CFAP91: variants seen among roughly 807,000 people sequenced by gnomAD.
CFAP91 encodes cilia- and flagella-associated protein 91.
A neutral mutation model predicts 95.9 loss-of-function variants in CFAP91; 85 were observed. The observed-to-expected ratio is 0.89, with a 90% CI of 0.74 to 1.06. CFAP91 has a LOEUF of 1.06. CFAP91 is among the 50% of genes least tolerant of loss of function. The pLI, the probability that CFAP91 is intolerant of heterozygous loss-of-function variation, is 0.00. For synonymous variants in CFAP91, 335 were observed against 327.5 expected (o/e 1.02, Z -0.25); for missense variants, 962 against 943.4 (o/e 1.02, Z -0.26).
intron 13 of CFAP91, among the ~76,000 whole-genome samples, chr3:119,743,377 C>G (rs893825225): frequency 3.3e-5 from 5 of 152,172 alleles, no homozygotes; most frequent in Admixed American, 2.0e-4. Flanking sequence ...CTCAGCCTCC[C>G]AAAGTGCTGG....
rs371932830 is a variant in CFAP91 at position 119,743,931 on chromosome 3, C to T, written c.1681-44C>T. 1.5e-5 allele frequency: 23 copies of T among 1,499,682 alleles called. No homozygotes were observed. In the South Asian group the frequency reaches 2.4e-4, roughly 16 times the overall value. 92.9% of individuals were successfully genotyped at this position (1,499,682 alleles called of 1,614,324 possible). A position where few individuals can be genotyped will look rare whatever the true frequency, so the allele number is the denominator to read the frequency against. On this transcript the variant is annotated intron_variant, in intron 13 of 17. Coordinates refer to ENST00000273390, the MANE Select transcript of CFAP91 (RefSeq NM_033364.4). ...AGCACTTCTTCTAATAATCACCACT[C>T]ATAATGGAATTTGTGTCCTTAAAGT...
intron 6 of CFAP91, among the ~76,000 whole-genome samples, chr3:119,725,408 C>T (rs1352912890): frequency 6.6e-6 from 1 of 152,168 alleles, no homozygotes; most frequent in Non-Finnish European, 1.5e-5. Context: ...GGGGACAAAA[C>T]CCAAAGATGG....
intron 13 of CFAP91, among the ~76,000 whole-genome samples, chr3:119,742,485 C>T (rs2054140658): frequency 6.6e-6 from 1 of 152,208 alleles, no homozygotes; most frequent in South Asian, 2.1e-4. Context: ...CCTGTGCCTA[C>T]CCAGATTTCT....
At chr3:119,760,809 A>T (rs904281297) in intron 17 of CFAP91, among the ~76,000 whole-genome samples, 34 of 146,050 alleles carry the variant, frequency 2.3e-4, no homozygotes, top group Admixed American at 4.7e-4. Flanking sequence ...AAGGGAAATT[A>T]AAAAAAAAAC....
chr3:119,744,285 T>G (rs1167215595), intron 14 of CFAP91, 89 bp downstream of exon 14: 1 of 1,051,432 alleles, frequency 9.5e-7, no homozygotes, highest in East Asian at 2.6e-5. Context: ...GGCATTTGGC[T>G]TTTGTTTATG....
chr3:119,750,823 G>T, intron 16 of CFAP91, 114 bp from the exon 17 acceptor site: 2 of 1,135,944 alleles, frequency 1.8e-6, no homozygotes, highest in Admixed American at 4.0e-5. Context: ...TTAGATTTGG[G>T]TTGGGTTTTA....
rs569777812 is a variant in CFAP91 at position 119,722,350 on chromosome 3, T to A, written c.683-3821T>A. ...GGCATATGCCTGTAGTCCCAGCTAC[T>A]CGGGAGGCTGAGGCAGGAGAATCAC... On this transcript the variant is annotated intron_variant, in intron 6 of 17. Coordinates refer to ENST00000273390, the MANE Select transcript of CFAP91 (RefSeq NM_033364.4). Among the ~76,000 whole-genome samples, 18 of 152,100 alleles carry A rather than the reference T, an allele frequency of 1.2e-4. No individual in the cohort carries two copies. The East Asian group carries it at 2.7e-3, about 23-fold the overall frequency.
chr3:119,739,689 A>C (rs1243981055), intron 12 of CFAP91, among the ~76,000 whole-genome samples: 1 of 152,258 alleles, frequency 6.6e-6, no homozygotes, highest in African/African-American at 2.4e-5. Context: ...AATTTTCCAC[A>C]GTCATAATAC....
intron 6 of CFAP91, among the ~76,000 whole-genome samples, chr3:119,718,600 T>G (rs1444229281): frequency 6.6e-6 from 1 of 151,380 alleles, no homozygotes; most frequent in Non-Finnish European, 1.5e-5. Flanking sequence ...AACTCACACC[T>G]CCTAATAAAA....
At position 119,740,725 on chromosome 3, in the gene CFAP91, T is replaced by C. The variant is rs190492021; in HGVS notation, c.1680+30T>C. 145 of 1,597,090 alleles carry C rather than the reference T, an allele frequency of 9.1e-5. No homozygotes were observed. In the African/African-American group the frequency reaches 1.5e-3, roughly 17 times the overall value. On this transcript the variant is annotated intron_variant, in intron 13 of 17. Coordinates refer to ENST00000273390, the MANE Select transcript of CFAP91 (RefSeq NM_033364.4). Reference sequence around the variant, plus strand: ...TCCTTTTTTTGTTTTCTTGTTACTTTCTTGTTAAATTTTCTCCCTTGATTT... The same window carrying C: ...TCCTTTTTTTGTTTTCTTGTTACTTCCTTGTTAAATTTTCTCCCTTGATTT...
At chr3:119,730,078 G>A (rs2053865356) in intron 7 of CFAP91, 142 bp from the exon 8 acceptor site, 1 of 769,420 alleles carries the variant, frequency 1.3e-6, no homozygotes. Context: ...CAATTCATCT[G>A]TCATACTTTT....
At chr3:119,740,494 C>G in intron 12 of CFAP91, 55 bp from the exon 13 acceptor site, 2 of 1,586,078 alleles carry the variant, frequency 1.3e-6, no homozygotes, top group South Asian at 2.3e-5. Context: ...ACTCCTAGTG[C>G]TTGGCACAAA....
chr3:119,740,897 C>T (rs2107900015), intron 13 of CFAP91: 1 of 592,498 alleles, frequency 1.7e-6, no homozygotes, highest in South Asian at 1.9e-5. Flanking sequence ...CTCTATCGCC[C>T]AGGCTGAAGT....
chr3:119,734,221 T>C (rs1364746588), intron 10 of CFAP91, among the ~76,000 whole-genome samples: 1 of 152,242 alleles, frequency 6.6e-6, no homozygotes, highest in Non-Finnish European at 1.5e-5. Context: ...GCCCACTGTT[T>C]TATAATACAC....
In CFAP91 at chr3:119,732,485, T is replaced by C. The variant is rs2053921875; in HGVS notation, c.1201+9T>C. The C allele has an allele frequency of 6.5e-7, 1 of 1,528,822 alleles. No individual in the cohort carries two copies. Among genetic ancestry groups the C allele is most frequent in the African/African-American group, 1.4e-5 (1 of 71,330 alleles). 94.7% of individuals were successfully genotyped at this position (1,528,822 alleles called of 1,614,324 possible). On this transcript the variant is annotated intron_variant, in intron 9 of 17. Coordinates refer to ENST00000273390, the MANE Select transcript of CFAP91 (RefSeq NM_033364.4). ...TCTCAACACCTATGAAGGTAAGCAA[T>C]TTACATAATTAGAAATCCAGTATAA...
At chr3:119,747,998 A>G (rs2107909324) in intron 16 of CFAP91, 96 bp downstream of exon 16, 1 of 921,152 alleles carries the variant, frequency 1.1e-6, no homozygotes, top group East Asian at 2.7e-5. Flanking sequence ...GGATGAGGAA[A>G]TTTCTAAAGG....
intron 10 of CFAP91, among the ~76,000 whole-genome samples, chr3:119,735,483 T>G (rs1438558255): frequency 6.6e-6 from 1 of 152,236 alleles, no homozygotes; most frequent in Non-Finnish European, 1.5e-5. Flanking sequence ...ATTATGATTT[T>G]TTAATCTGTG....
At chr3:119,751,955 A>T (rs2054333919) in intron 17 of CFAP91, among the ~76,000 whole-genome samples, 1 of 152,218 alleles carries the variant, frequency 6.6e-6, no homozygotes, top group Non-Finnish European at 1.5e-5. Context: ...GTTCAGATGG[A>T]ATTTACCAAT....
intron 12 of CFAP91, among the ~76,000 whole-genome samples, chr3:119,739,937 T>G (rs927059759): frequency 6.6e-6 from 1 of 152,188 alleles, no homozygotes; most frequent in African/African-American, 2.4e-5. Context: ...GTGTAAAGCC[T>G]TAGCCAGATT....
Sources: allele counts gnomAD v4.1 joint callset (sites outside exome capture counted in the v4.1 genomes callset), GRCh38; gene constraint gnomAD v4.1.1; transcripts MANE v1.5; gene names NCBI Gene and HGNC (gene_info 2026-07-23, HGNC 2026-07-21).